Variants in SAMM50 observed in about 807,000 individuals in gnomAD.
SAMM50 encodes the protein sorting and assembly machinery component 50 homolog.
A neutral mutation model predicts 66.9 loss-of-function variants in SAMM50; 47 were observed. The observed-to-expected ratio is 0.70, with a 90% CI of 0.56 to 0.90. SAMM50 has a LOEUF of 0.90. Among genes scored for constraint, SAMM50 ranks in the 40% least tolerant of loss-of-function variants. The pLI, the probability that SAMM50 is intolerant of heterozygous loss-of-function variation, is 0.00. For synonymous variants in SAMM50, 191 were observed against 214.1 expected, an observed-to-expected ratio of 0.89 and a Z score of 0.94; for missense variants, 535 against 595.3, an observed-to-expected ratio of 0.90 and a Z score of 1.05.
chr22:43,975,122 A>G (rs2050224905), intron 7 of SAMM50: 1 of 152,324 alleles, frequency 6.6e-6, no homozygotes, highest in South Asian at 2.1e-4. Flanking sequence ...GGAATTTGGG[A>G]AAGTGCCTGA....
Position 43,996,331 on chromosome 22 carries a change from T to C in SAMM50, c.1365-7T>C. ...GCCGCCGCATCTGATCTCTCCCCTTTTTTTAGGATATGTGATGGCGTCCAG... is the reference window on the plus strand; with the variant it reads ...GCCGCCGCATCTGATCTCTCCCCTTCTTTTAGGATATGTGATGGCGTCCAG... On this transcript the variant is annotated splice_polypyrimidine_tract_variant and splice_region_variant and intron_variant, in intron 14 of 14. Coordinates refer to ENST00000350028, the MANE Select transcript of SAMM50 (RefSeq NM_015380.5). The C allele has an allele frequency of 1.2e-6, 2 of 1,614,106 alleles. 1 individual carries two copies. Among genetic ancestry groups the C allele is most frequent in the Middle Eastern group, 3.3e-4 (2 of 6,060 alleles).
Position 43,976,040 on chromosome 22 carries a change from A to T in SAMM50, c.649-15A>T. ...TATGTGTGGTCCGGAAAGATGTCTG[A>T]TCTCCATGTTGCAGTTTCCCATATG... On this transcript the variant is annotated splice_polypyrimidine_tract_variant and intron_variant, in intron 7 of 14. Coordinates refer to ENST00000350028, the MANE Select transcript of SAMM50 (RefSeq NM_015380.5). The T allele has an allele frequency of 6.2e-7, 1 of 1,603,184 alleles. No individual in the cohort carries two copies. The highest frequency in any genetic ancestry group is 8.5e-7 in the Non-Finnish European group (1 of 1,170,982).
intron 13 of SAMM50, 79 bp downstream of exon 13, chr22:43,989,336 TG>T (rs2050310779): frequency 2.2e-6 from 3 of 1,333,806 alleles, no homozygotes; most frequent in Non-Finnish European, 3.0e-6. Flanking sequence ...AAGAGGTGTC[TG>T]TCTTTTTTTT....
At chr22:43,989,331 GTGTC>G (rs1197478768) in intron 13 of SAMM50, 74 bp downstream of exon 13, 6 of 1,375,492 alleles carry the variant, frequency 4.4e-6, no homozygotes, top group Non-Finnish European at 5.9e-6. Flanking sequence ...ACACAAAGAG[GTGTC>G]TGTCTTTTTT....
chr22:43,996,351 G>A lies in SAMM50; in HGVS notation c.1378G>A (p.Val460Ile). 1.9e-6 allele frequency: 3 copies of A among 1,614,118 alleles called. No homozygotes were observed. The highest frequency in any genetic ancestry group is 1.3e-5 in the African/African-American group (1 of 75,028). Residue 460 changes from valine to isoleucine, a missense_variant, in exon 15 of 15, where the codon GTC becomes ATC. Physicochemically the swap from Val to Ile is conservative, Grantham distance 29. Transcript: ENST00000350028. ...CCCTTTTTTTAGGATATGTGATGGC[G>A]TCCAGTTTGGAGCTGGGATAAGGTT... ...VQTGDRICDGVQFGAGIRFL is the reference protein window; with the variant it reads ...VQTGDRICDGIQFGAGIRFL
chr22:43,984,910 G>C (rs951821425), intron 12 of SAMM50, among the ~76,000 whole-genome samples: 1 of 152,048 alleles, frequency 6.6e-6, no homozygotes, highest in African/African-American at 2.4e-5. Context: ...GATTACAGAT[G>C]TGAGCCACTG....
At chr22:43,959,018 CTTTT>C (rs11337908) in intron 1 of SAMM50, among the ~76,000 whole-genome samples, 3 of 112,650 alleles carry the variant, frequency 2.7e-5, no homozygotes, top group African/African-American at 1.0e-4. Flanking sequence ...TTTCAGTTTT[CTTTT>C]TTTTTTTTTT....
intron 3 of SAMM50, among the ~76,000 whole-genome samples, chr22:43,966,165 C>A (rs1288647099): frequency 6.6e-6 from 1 of 152,162 alleles, no homozygotes; most frequent in African/African-American, 2.4e-5. Flanking sequence ...AAACAGTTCT[C>A]CATTGATGGG....
intron 1 of SAMM50, chr22:43,956,920 T>C (rs1199745072): frequency 6.0e-6 from 3 of 502,560 alleles, no homozygotes; most frequent in Non-Finnish European, 1.1e-5. Context: ...GCAAATAGTA[T>C]CTGTGACTTT....
At chr22:43,982,684 G>A (rs2050270727) in intron 11 of SAMM50, among the ~76,000 whole-genome samples, 1 of 152,184 alleles carries the variant, frequency 6.6e-6, no homozygotes, top group Non-Finnish European at 1.5e-5. Context: ...CACCCAGGCT[G>A]GAGTGCAGTG....
chr22:43,963,973 T>C (rs1342313073), intron 2 of SAMM50, among the ~76,000 whole-genome samples: 1 of 151,724 alleles, frequency 6.6e-6, no homozygotes, highest in Non-Finnish European at 1.5e-5. Flanking sequence ...AGCGGCACAA[T>C]CTTGGCTCAT....
intron 2 of SAMM50, 33 bp downstream of exon 2, chr22:43,963,429 G>T (rs1170997532): frequency 3.7e-6 from 5 of 1,369,392 alleles, no homozygotes; most frequent in Non-Finnish European, 5.2e-6. Context: ...TGATAGAATT[G>T]TTAGTGGAAA....
At chr22:43,957,071 G>C (rs906109390) in intron 1 of SAMM50, 1 of 1,022,262 alleles carries the variant, frequency 9.8e-7, no homozygotes, top group African/African-American at 1.6e-5. Flanking sequence ...CTGGCTATAA[G>C]TGGAGTCTCC....
chr22:43,992,687 G>C (rs932511519), intron 14 of SAMM50, among the ~76,000 whole-genome samples: 2 of 152,246 alleles, frequency 1.3e-5, no homozygotes, highest in Non-Finnish European at 2.9e-5. Context: ...GACTGTTGCA[G>C]TTTGGAGAAC....
intron 11 of SAMM50, among the ~76,000 whole-genome samples, chr22:43,982,745 C>T (rs988778160): frequency 2.6e-5 from 4 of 152,208 alleles, no homozygotes; most frequent in Non-Finnish European, 4.4e-5. Context: ...AAGCTATTCT[C>T]CTGCCCCAGC....
At position 43,996,328 on chromosome 22, in the gene SAMM50, C is replaced by T. The variant is rs966584845; in HGVS notation, c.1365-10C>T. On this transcript the variant is annotated splice_polypyrimidine_tract_variant and intron_variant, in intron 14 of 14. Transcript: ENST00000350028. Reference sequence around the variant, plus strand: ...GCGGCCGCCGCATCTGATCTCTCCCCTTTTTTTAGGATATGTGATGGCGTC... The same window carrying T: ...GCGGCCGCCGCATCTGATCTCTCCCTTTTTTTTAGGATATGTGATGGCGTC... 1.9e-6 allele frequency: 3 copies of T among 1,613,900 alleles called. No individual in the cohort carries two copies. Among genetic ancestry groups the T allele is most frequent in the African/African-American group, 2.7e-5 (2 of 74,916 alleles).
At position 43,963,280 on chromosome 22, in the gene SAMM50, T is replaced by C; in HGVS notation, c.22-6T>C. 6.3e-7 allele frequency: 1 copy of C among 1,583,458 alleles called. No homozygotes were observed. Among genetic ancestry groups the C allele is most frequent in the Middle Eastern group, 1.7e-4 (1 of 5,976 alleles). On this transcript the variant is annotated splice_polypyrimidine_tract_variant and splice_region_variant and intron_variant, in intron 1 of 14. Coordinates refer to ENST00000350028, the MANE Select transcript of SAMM50 (RefSeq NM_015380.5). ...CATTTATCTGTGGTCGCTCCCTCCC[T>C]TTCAGAGTTTGGAGCCTCTTCCATC...
chr22:43,956,541 C>T (rs1258861158), intron 1 of SAMM50, among the ~76,000 whole-genome samples: 1 of 152,162 alleles, frequency 6.6e-6, no homozygotes, highest in Non-Finnish European at 1.5e-5. Flanking sequence ...TCAGTGTGCT[C>T]GATAAGTCAA....
intron 14 of SAMM50, among the ~76,000 whole-genome samples, chr22:43,993,130 G>T (rs1053504576): frequency 6.6e-6 from 1 of 152,208 alleles, no homozygotes; most frequent in Admixed American, 6.5e-5. Context: ...GCGCTGTGAC[G>T]CTGCTGCACC....
Sources: gnomAD v4.1 joint callset for allele counts (sites outside exome capture counted in the v4.1 genomes callset) on GRCh38, gnomAD v4.1.1 for gene constraint, MANE v1.5 for transcripts, NCBI Gene and HGNC (gene_info 2026-07-23, HGNC 2026-07-21) for gene names.